NELL1: variants seen among roughly 807,000 people sequenced by gnomAD.
The protein encoded by NELL1 is protein kinase C-binding protein NELL1.
NELL1 carries 76 observed loss-of-function variants against 107.4 expected under a neutral mutation model. The observed-to-expected ratio is 0.71, with a 90% CI of 0.59 to 0.86. The LOEUF is 0.86. NELL1 is among the 40% of genes least tolerant of loss of function. NELL1 has a pLI of 0.00. For missense variants in NELL1, 1,024 were observed against 1,005.5 expected, an observed-to-expected ratio of 1.02 and a Z score of -0.25; for synonymous variants, 353 against 341.2, an observed-to-expected ratio of 1.03 and a Z score of -0.38.
chr11:21,185,301 T>TC (rs1856910611), intron 13 of NELL1, among the ~76,000 whole-genome samples: 1 of 149,506 alleles, frequency 6.7e-6, no homozygotes, highest in Non-Finnish European at 1.5e-5. Flanking sequence ...ATCTTTTTTT[T>TC]TTTTTTTTTT....
At chr11:20,822,219 G>A (rs76697365) in intron 3 of NELL1, among the ~76,000 whole-genome samples, 1,957 of 152,258 alleles carry the variant, frequency 0.013, 47 homozygotes, top group African/African-American at 0.044. Context: ...CAGGAGACAC[G>A]CAGAAGTTGA....
At chr11:21,024,364 A>G (rs1160190079) in intron 12 of NELL1, among the ~76,000 whole-genome samples, 1 of 152,108 alleles carries the variant, frequency 6.6e-6, no homozygotes. Context: ...TACCCAAAAG[A>G]GTCTTTGAAA....
intron 3 of NELL1, among the ~76,000 whole-genome samples, chr11:20,813,775 C>T (rs1051620758): frequency 2.0e-5 from 3 of 152,060 alleles, no homozygotes; most frequent in Admixed American, 1.3e-4. Context: ...GGTCTGTGTA[C>T]CCTTAAGTGG....
At chr11:21,046,721 G>C (rs1853364434) in intron 12 of NELL1, among the ~76,000 whole-genome samples, 1 of 119,926 alleles carries the variant, frequency 8.3e-6, no homozygotes, top group South Asian at 2.5e-4. Context: ...TATTTATATT[G>C]AGGCAGGGTC....
At chr11:20,795,892 C>A (rs752162737) in intron 3 of NELL1, among the ~76,000 whole-genome samples, 10 of 152,040 alleles carry the variant, frequency 6.6e-5, no homozygotes, top group Non-Finnish European at 1.5e-4. Context: ...GGGTTCATTT[C>A]CTGGATCTAT....
Position 21,099,232 on chromosome 11 carries a change from C to A in NELL1, c.1301-14357C>A, listed in dbSNP as rs3046341. Among the ~76,000 whole-genome samples, 240 of 123,986 alleles carry A rather than the reference C, an allele frequency of 1.9e-3. 1 individual carries two copies. The highest frequency in any genetic ancestry group is 3.6e-3 in the African/African-American group (107 of 30,052). The allele number at this position is 123,986 out of a possible 152,430, so 81.3% of individuals were successfully genotyped here. On this transcript the variant is annotated intron_variant, in intron 12 of 19. Coordinates refer to ENST00000357134, the MANE Select transcript of NELL1 (RefSeq NM_006157.5). ...ACACACACACACACACACACACACA[C>A]AAACACACACACACACACACGGATC...
intron 14 of NELL1, among the ~76,000 whole-genome samples, chr11:21,311,794 G>A (rs1477984657): frequency 6.6e-6 from 1 of 152,046 alleles, no homozygotes; most frequent in African/African-American, 2.4e-5. Flanking sequence ...AAACTCAGAG[G>A]TATTATTATT....
intron 12 of NELL1, among the ~76,000 whole-genome samples, chr11:20,997,652 T>G (rs56759702): frequency 0.028 from 4,304 of 152,302 alleles, 166 homozygotes; most frequent in African/African-American, 0.089. Flanking sequence ...TACAACTTTT[T>G]TGTGTGTGTA....
intron 11 of NELL1, among the ~76,000 whole-genome samples, chr11:20,948,141 C>A (rs558874289): frequency 1.3e-5 from 2 of 152,210 alleles, no homozygotes; most frequent in South Asian, 4.2e-4. Context: ...CTCCTGGGCC[C>A]AAGCAATCCT....
chr11:21,241,481 C>T (rs1171235839), intron 14 of NELL1, among the ~76,000 whole-genome samples: 1 of 152,112 alleles, frequency 6.6e-6, no homozygotes, highest in Non-Finnish European at 1.5e-5. Flanking sequence ...CTAGCTTAGG[C>T]TTACGCCAAG....
intron 2 of NELL1, among the ~76,000 whole-genome samples, chr11:20,689,035 T>C (rs745763299): frequency 5.3e-5 from 8 of 152,190 alleles, no homozygotes; most frequent in Non-Finnish European, 8.8e-5. Flanking sequence ...TGGAGCGTTT[T>C]TTCATATGCT....
intron 12 of NELL1, among the ~76,000 whole-genome samples, chr11:21,082,835 A>G (rs770319544): frequency 1.3e-5 from 2 of 152,232 alleles, no homozygotes; most frequent in Non-Finnish European, 2.9e-5. Context: ...CAACGTCTGC[A>G]TTTAAAAATC....
At chr11:20,795,265 G>A (rs1857147835) in intron 3 of NELL1, among the ~76,000 whole-genome samples, 1 of 152,004 alleles carries the variant, frequency 6.6e-6, no homozygotes, top group African/African-American at 2.4e-5. Flanking sequence ...ATCTTAAGTG[G>A]GCAGATAAAA....
chr11:21,444,936 T>C (rs537546039), intron 15 of NELL1, among the ~76,000 whole-genome samples: 1 of 152,308 alleles, frequency 6.6e-6, no homozygotes, highest in Non-Finnish European at 1.5e-5. Flanking sequence ...GTATACATTG[T>C]ACATTTTTAG....
At chr11:21,133,520 T>C (rs1855671955) in intron 13 of NELL1, among the ~76,000 whole-genome samples, 1 of 152,014 alleles carries the variant, frequency 6.6e-6, no homozygotes, top group Non-Finnish European at 1.5e-5. Context: ...CCAGCCATCC[T>C]CAGCATCCCT....
At chr11:20,693,159 T>A (rs1854515557) in intron 2 of NELL1, among the ~76,000 whole-genome samples, 1 of 151,942 alleles carries the variant, frequency 6.6e-6, no homozygotes, top group African/African-American at 2.4e-5. Context: ...CTCCATCCTT[T>A]TATTTTGAGC....
chr11:20,996,284 A>ATAG (rs1852088678), intron 12 of NELL1, among the ~76,000 whole-genome samples: 1 of 152,144 alleles, frequency 6.6e-6, no homozygotes, highest in Non-Finnish European at 1.5e-5. Flanking sequence ...TATGCTCAAG[A>ATAG]TAGTACTTGC....
intron 16 of NELL1, among the ~76,000 whole-genome samples, chr11:21,538,999 G>A (rs1307580083): frequency 2.0e-5 from 3 of 152,058 alleles, no homozygotes; most frequent in Non-Finnish European, 4.4e-5. Flanking sequence ...GCTTTTCCCT[G>A]ACTATCCCCA....
intron 5 of NELL1, among the ~76,000 whole-genome samples, chr11:20,915,310 T>C (rs992274830): frequency 6.6e-6 from 1 of 151,846 alleles, no homozygotes; most frequent in Non-Finnish European, 1.5e-5. Flanking sequence ...AGTGAGGTCC[T>C]TTTACCATTC....
Sources: gnomAD v4.1 joint callset for allele counts (sites outside exome capture counted in the v4.1 genomes callset) on GRCh38, gnomAD v4.1.1 for gene constraint, MANE v1.5 for transcripts, NCBI Gene and HGNC (gene_info 2026-07-23, HGNC 2026-07-21) for gene names.